BTLA: variants seen among roughly 807,000 people sequenced by gnomAD.
BTLA encodes the protein B and T lymphocyte associated.
BTLA carries 11 observed loss-of-function variants against 25.0 expected under a neutral mutation model. That is an observed-to-expected ratio of 0.44 (90% CI 0.28 to 0.73). The LOEUF (loss-of-function observed/expected upper bound fraction) is 0.73. Ranked by LOEUF, BTLA falls within the 30% of genes least tolerant of loss-of-function variation. The pLI, the probability that BTLA is intolerant of heterozygous loss-of-function variation, is 0.15. For missense variants in BTLA, 282 were observed against 332.8 expected (o/e 0.85, Z 1.19); for synonymous variants, 104 against 119.8 (o/e 0.87, Z 0.86).
intron 1 of BTLA, among the ~76,000 whole-genome samples, chr3:112,497,509 T>C (rs1021103428): frequency 6.6e-6 from 1 of 152,162 alleles, no homozygotes; most frequent in African/African-American, 2.4e-5. Flanking sequence ...CTGAAACTCA[T>C]TGTTCTTAAT....
chr3:112,474,294 A>G (rs1006657279), intron 2 of BTLA, among the ~76,000 whole-genome samples: 2 of 152,186 alleles, frequency 1.3e-5, no homozygotes, highest in African/African-American at 4.8e-5. Flanking sequence ...TTTCCAAAAT[A>G]TATTTTTCTC....
At chr3:112,483,706 G>A (rs997127640) in intron 1 of BTLA, among the ~76,000 whole-genome samples, 2 of 151,662 alleles carry the variant, frequency 1.3e-5, no homozygotes, top group Non-Finnish European at 2.9e-5. Flanking sequence ...GGTGGCTCAC[G>A]CCTGTAATCC....
chr3:112,487,177 T>C (rs570116728), intron 1 of BTLA, among the ~76,000 whole-genome samples: 1 of 152,360 alleles, frequency 6.6e-6, no homozygotes, highest in Admixed American at 6.5e-5. Context: ...AGTTTACATA[T>C]ATATCATAAA....
At chr3:112,492,757 C>A (rs911814523) in intron 1 of BTLA, among the ~76,000 whole-genome samples, 6 of 152,252 alleles carry the variant, frequency 3.9e-5, no homozygotes, top group Middle Eastern at 3.4e-3. Flanking sequence ...TGAAGTGGGG[C>A]CATAACCCCC....
intron 1 of BTLA, among the ~76,000 whole-genome samples, chr3:112,494,166 TCA>T (rs1480190392): frequency 1.3e-5 from 2 of 151,566 alleles, no homozygotes; most frequent in Non-Finnish European, 2.9e-5. Context: ...AAGCTCAACA[TCA>T]CTGATGGTCA....
intron 2 of BTLA, among the ~76,000 whole-genome samples, chr3:112,474,014 A>G (rs776912681): frequency 2.0e-5 from 3 of 151,968 alleles, no homozygotes; most frequent in Non-Finnish European, 4.4e-5. Context: ...AGCTCTGTCA[A>G]CTTTTCCCCT....
At chr3:112,494,421 T>C (rs2082397871) in intron 1 of BTLA, among the ~76,000 whole-genome samples, 1 of 152,204 alleles carries the variant, frequency 6.6e-6, no homozygotes, top group Non-Finnish European at 1.5e-5. Flanking sequence ...CTCAAAGGAA[T>C]ATAAATCATT....
At position 112,499,420 on chromosome 3, in the gene BTLA, G is replaced by T; in HGVS notation, c.-62C>A. 7.0e-7 allele frequency: 1 copy of T among 1,428,132 alleles called. No homozygotes were observed. The highest frequency in any genetic ancestry group is 9.7e-7 in the Non-Finnish European group (1 of 1,033,276). The allele number at this position is 1,428,132 out of a possible 1,614,324, so 88.5% of individuals were successfully genotyped here. A position where few individuals can be genotyped will look rare whatever the true frequency, so the allele number is the denominator to read the frequency against. On this transcript the variant is annotated 5_prime_UTR_variant, in exon 1 of 5. Transcript: ENST00000334529. ...TAGAAGGCTTTGCTTCGTCTTCTGA[G>T]TGCTGCAGAGTTGGGTCAGTTTACC... is the stretch of plus-strand genomic sequence containing the variant.
rs2082215574 is a variant in BTLA at position 112,464,746 on chromosome 3, G to A, written c.*1362C>T. 6.6e-6 allele frequency: 1 copy of A among 151,522 alleles called. No individual in the cohort carries two copies. Among genetic ancestry groups the A allele is most frequent in the Admixed American group, 6.6e-5 (1 of 15,190 alleles). The allele number at this position is 151,522 out of a possible 1,614,324, so 9.4% of individuals were successfully genotyped here. A position where few individuals can be genotyped will look rare whatever the true frequency, so the allele number is the denominator to read the frequency against. ...TTCATAAGCAAACTGAAAATATAAT[G>A]TCAATTTGATCAGTTTCTCGTGCAC... On this transcript the variant is annotated 3_prime_UTR_variant, in exon 5 of 5. Coordinates refer to ENST00000334529, the MANE Select transcript of BTLA (RefSeq NM_181780.4).
chr3:112,483,094 A>G (rs557300961), intron 1 of BTLA, among the ~76,000 whole-genome samples: 15 of 148,548 alleles, frequency 1.0e-4, no homozygotes, highest in African/African-American at 3.3e-4. Flanking sequence ...AGAGTTTACC[A>G]TTTAATTGGT....
chr3:112,480,208 T>C (rs1214238330), intron 1 of BTLA, among the ~76,000 whole-genome samples: 1 of 152,174 alleles, frequency 6.6e-6, no homozygotes, highest in Non-Finnish European at 1.5e-5. Flanking sequence ...CTTGAGAATG[T>C]ATTTTGTGAG....
chr3:112,499,616 T>A (rs1025662854), upstream of BTLA: 2 of 402,122 alleles, frequency 5.0e-6, no homozygotes, highest in African/African-American at 4.0e-5. Context: ...CTGTTCACTT[T>A]CAAACACTGT....
At chr3:112,498,414 C>T (rs1484572805) in intron 1 of BTLA, among the ~76,000 whole-genome samples, 2 of 151,770 alleles carry the variant, frequency 1.3e-5, no homozygotes, top group East Asian at 1.9e-4. Flanking sequence ...GCCTGGGTGA[C>T]GAGAGCAAAA....
rs187462322 is a variant in BTLA at position 112,464,945 on chromosome 3, G to T, written c.*1163C>A. ...ATTCAGTAGCAGCACCTGAGAATTC[G>T]AATAGCCTCAAACTGTTGAATAAAA... On this transcript the variant is annotated 3_prime_UTR_variant, in exon 5 of 5. Coordinates refer to ENST00000334529, the MANE Select transcript of BTLA (RefSeq NM_181780.4). The T allele has an allele frequency of 6.6e-6, 1 of 152,080 alleles. No individual in the cohort carries two copies. Among genetic ancestry groups the T allele is most frequent in the Non-Finnish European group, 1.5e-5 (1 of 68,016 alleles). The allele number at this position is 152,080 out of a possible 1,614,324, so 9.4% of individuals were successfully genotyped here.
At chr3:112,491,889 A>C (rs1411513956) in intron 1 of BTLA, among the ~76,000 whole-genome samples, 1 of 152,188 alleles carries the variant, frequency 6.6e-6, no homozygotes, top group African/African-American at 2.4e-5. Flanking sequence ...GCAAAAATAT[A>C]TCTATATAAT....
rs777779041 is a variant in BTLA at position 112,471,305 on chromosome 3, G to T, written c.454C>A (p.Pro152Thr). The change falls in exon 3 of 5, where the codon CCC becomes ACC. Residue 152 changes from proline to threonine, a missense_variant. Physicochemically the swap from Pro to Thr is conservative, Grantham distance 38. Transcript: ENST00000334529. Reference protein sequence around the residue: ...RPSKDEMASRPWLLYRLLPLG... With the variant: ...RPSKDEMASRTWLLYRLLPLG... The stretch of plus-strand genomic sequence containing the variant: ...GGAAGTAAACGATACAGGAGCCAGG[G>T]TCTGCTTGCCATTTCGTCCTTGGAG... The T allele has an allele frequency of 1.2e-5, 19 of 1,613,874 alleles. No individual in the cohort carries two copies. Among genetic ancestry groups the T allele is most frequent in the Non-Finnish European group, 1.6e-5 (19 of 1,179,918 alleles).
chr3:112,469,625 A>ATAGTACATAGAATATGTATATAC, intron 4 of BTLA, 133 bp downstream of exon 4: 1 of 20,500 alleles, frequency 4.9e-5, no homozygotes, highest in Admixed American at 8.4e-4. Flanking sequence ...ATATATATAT[A>ATAGTACATAGAATATGTATATAC]TATATATATA....
rs139083331 is a variant in BTLA, at chr3:112,467,282, T to G, written c.595-899A>C. Among the ~76,000 whole-genome samples, 41 of 152,252 alleles carry G rather than the reference T, an allele frequency of 2.7e-4. No individual in the cohort carries two copies. In the East Asian group the frequency reaches 7.7e-3, roughly 29 times the overall value. On this transcript the variant is annotated intron_variant, in intron 4 of 4. Coordinates refer to ENST00000334529, the MANE Select transcript of BTLA (RefSeq NM_181780.4). ...GCAAGAAAATTCTTACCGTTTCAAA[T>G]ATAGCCAAATATCTTAGAGCTTCTA...
chr3:112,474,846 T>C (rs916658473), intron 2 of BTLA, among the ~76,000 whole-genome samples: 2 of 152,248 alleles, frequency 1.3e-5, no homozygotes, highest in Admixed American at 1.3e-4. Flanking sequence ...CAGGCTGCAA[T>C]TGAGAGGCTG....
Sources: allele counts gnomAD v4.1 joint callset (sites outside exome capture counted in the v4.1 genomes callset), GRCh38; gene constraint gnomAD v4.1.1; transcripts MANE v1.5; gene names NCBI Gene and HGNC (gene_info 2026-07-23, HGNC 2026-07-21).